The following ADAMTS16 variants were observed in gnomAD, a reference collection of about 807,000 sequenced individuals.
The protein encoded by ADAMTS16 is ADAM metallopeptidase with thrombospondin type 1 motif 16.
A neutral mutation model predicts 145.8 loss-of-function variants in ADAMTS16; 94 were observed. The observed-to-expected ratio is 0.64, with a 90% CI of 0.55 to 0.77. ADAMTS16 has a LOEUF of 0.77. ADAMTS16 is among the 30% of genes least tolerant of loss of function. The pLI is 0.00. For synonymous variants in ADAMTS16, 659 were observed against 604.3 expected (o/e 1.09, Z -1.33); for missense variants, 1,585 against 1,591.5 (o/e 1.00, Z 0.07).
intron 18 of ADAMTS16, among the ~76,000 whole-genome samples, chr5:5,272,657 C>A (rs2126455103): frequency 6.6e-6 from 1 of 152,192 alleles, no homozygotes; most frequent in Admixed American, 6.5e-5. Context: ...GAGCCACTGC[C>A]CCCGGCCCCA....
At chr5:5,155,510 C>G (rs1374424581) in intron 3 of ADAMTS16, among the ~76,000 whole-genome samples, 4 of 152,148 alleles carry the variant, frequency 2.6e-5, no homozygotes, top group Admixed American at 1.3e-4. Context: ...ACAACAACTA[C>G]AAGAATATAC....
intron 20 of ADAMTS16, among the ~76,000 whole-genome samples, chr5:5,304,967 ACACACACACACACATCCTACAC>A (rs1489727739): frequency 3.9e-4 from 52 of 133,644 alleles, no homozygotes; most frequent in Non-Finnish European, 4.6e-4. Context: ...CCCACACCAC[ACACACACACACACATCCTACAC>A]CACACACACA....
intron 21 of ADAMTS16, among the ~76,000 whole-genome samples, chr5:5,311,400 C>T (rs1179391821): frequency 6.6e-6 from 1 of 152,056 alleles, no homozygotes; most frequent in African/African-American, 2.4e-5. Context: ...ATTTAATCCG[C>T]CCTGGAATCT....
In ADAMTS16 at chr5:5,242,158, G is replaced by A. The variant is rs778918550; in HGVS notation, c.2629G>A (p.Val877Met). Residue 877 changes from valine to methionine, a missense_variant, in exon 17 of 23, where the codon GTG (valine) becomes ATG (methionine). Physicochemically the swap from Val to Met is conservative, Grantham distance 21. Around this residue, in one of 3 missense-constraint regions of ADAMTS16, gnomAD observed 834 missense variants for 811.7 expected, o/e 1.03. Transcript: ENST00000274181. The part of the protein sequence containing the change: ...PAQPSYTWAI[V>M]RSECSVSCGG... ...CCAGCCCAGCTACACTTGGGCCATC[G>A]TGCGCTCTGAGTGCTCCGTGTCCTG... is the stretch of plus-strand genomic sequence containing the variant. The A allele has an allele frequency of 1.1e-5, 17 of 1,614,000 alleles. No homozygotes were observed. Among genetic ancestry groups the A allele is most frequent in the East Asian group, 4.5e-5 (2 of 44,880 alleles).
intron 11 of ADAMTS16, among the ~76,000 whole-genome samples, chr5:5,229,799 G>T (rs113413232): frequency 1.0e-3 from 158 of 152,294 alleles, no homozygotes; most frequent in African/African-American, 3.4e-3. Flanking sequence ...TTTCTTAAAA[G>T]AAGTAATCCA....
intron 3 of ADAMTS16, among the ~76,000 whole-genome samples, chr5:5,181,056 T>C (rs376211307): frequency 6.6e-6 from 1 of 152,242 alleles, no homozygotes; most frequent in African/African-American, 2.4e-5. Flanking sequence ...ATTTAAATTG[T>C]TTCTTGTTTT....
At chr5:5,279,060 A>G (rs1327269824) in intron 18 of ADAMTS16, among the ~76,000 whole-genome samples, 1 of 152,064 alleles carries the variant, frequency 6.6e-6, no homozygotes, top group Non-Finnish European at 1.5e-5. Flanking sequence ...TCCACGCTCT[A>G]TTTCCCCCAC....
chr5:5,158,706 T>C (rs141319847), intron 3 of ADAMTS16, among the ~76,000 whole-genome samples: 41 of 152,310 alleles, frequency 2.7e-4, no homozygotes, highest in Middle Eastern at 3.4e-3. Context: ...TTCTAAATAA[T>C]AAATGTTGCA....
chr5:5,199,526 G>C (rs867284329), intron 8 of ADAMTS16, among the ~76,000 whole-genome samples: 13 of 152,154 alleles, frequency 8.5e-5, no homozygotes, highest in African/African-American at 3.1e-4. Flanking sequence ...AGCACAGCCC[G>C]CCCATCACAG....
chr5:5,228,812 A>G (rs1736839328), intron 11 of ADAMTS16, among the ~76,000 whole-genome samples: 1 of 152,318 alleles, frequency 6.6e-6, no homozygotes, highest in East Asian at 1.9e-4. Context: ...GTAATAAAGA[A>G]ATCAATGTAC....
intron 3 of ADAMTS16, among the ~76,000 whole-genome samples, chr5:5,160,773 C>G (rs1281704233): frequency 1.6e-5 from 2 of 123,954 alleles, no homozygotes; most frequent in South Asian, 5.5e-4. Flanking sequence ...AAAAAAAAAA[C>G]CAGCTTTACT....
chr5:5,143,253 A>T (rs1379511771), intron 2 of ADAMTS16, among the ~76,000 whole-genome samples: 1 of 152,234 alleles, frequency 6.6e-6, no homozygotes, highest in Admixed American at 6.5e-5. Context: ...AATATCCAGA[A>T]TCTACAAGAA....
rs1740384549 is a variant in ADAMTS16, at chr5:5,310,607, A to G, written c.3411+3879A>G. 6.6e-6 allele frequency among the ~76,000 whole-genome samples: 1 copy of G among 152,120 alleles called. No homozygotes were observed. Among genetic ancestry groups the G allele is most frequent in the South Asian group, 2.1e-4 (1 of 4,818 alleles). On this transcript the variant is annotated intron_variant, in intron 21 of 22. Transcript: ENST00000274181. The surrounding 1 kb of genome is among the most constrained non-coding windows in gnomAD (Gnocchi z 4.3). ...GGTGGCACTGGCTGTGTGATGGGTGACAGAGGCAGGCATCGGAGTGGTGCC... is the reference window on the plus strand; with the variant it reads ...GGTGGCACTGGCTGTGTGATGGGTGGCAGAGGCAGGCATCGGAGTGGTGCC...
At chr5:5,159,681 A>G (rs1056186079) in intron 3 of ADAMTS16, among the ~76,000 whole-genome samples, 2 of 152,232 alleles carry the variant, frequency 1.3e-5, no homozygotes, top group African/African-American at 4.8e-5. Flanking sequence ...ATTTTATTAC[A>G]TTAGAACCTT....
At chr5:5,164,956 C>G (rs1734831945) in intron 3 of ADAMTS16, among the ~76,000 whole-genome samples, 1 of 152,112 alleles carries the variant, frequency 6.6e-6, no homozygotes, top group Non-Finnish European at 1.5e-5. Flanking sequence ...TTTCTAAATG[C>G]TTTATTGAGG....
chr5:5,320,110 C>T lies in ADAMTS16; in HGVS notation c.*972C>T, dbSNP rs971340049. 66 of 333,176 alleles carry T rather than the reference C, an allele frequency of 2.0e-4. No individual in the cohort carries two copies. The highest frequency in any genetic ancestry group is 1.4e-3 in the African/African-American group (63 of 43,662). 20.6% of individuals were successfully genotyped at this position (333,176 alleles called of 1,614,324 possible). ...TCTTTTTTTTTTCGGTGAGTCTGGC[C>T]ATTTCTATAATGCCAGGTGGGAAGC... On this transcript the variant is annotated 3_prime_UTR_variant, in exon 23 of 23. Transcript: ENST00000274181. The surrounding 1 kb of genome is among the most constrained non-coding windows in gnomAD (Gnocchi z 5.1).
intron 20 of ADAMTS16, among the ~76,000 whole-genome samples, chr5:5,305,025 A>ACG (rs1739996413): frequency 1.6e-5 from 1 of 62,890 alleles, no homozygotes; most frequent in Non-Finnish European, 3.4e-5. Flanking sequence ...ACACACACAC[A>ACG]CACACATCCA....
At chr5:5,313,654 G>A (rs1740546743) in intron 21 of ADAMTS16, among the ~76,000 whole-genome samples, 1 of 152,228 alleles carries the variant, frequency 6.6e-6, no homozygotes, top group Admixed American at 6.5e-5. Flanking sequence ...CACTGATTTG[G>A]AAACTCATGG....
intron 17 of ADAMTS16, among the ~76,000 whole-genome samples, chr5:5,247,720 G>T (rs113068407): frequency 1.3e-5 from 2 of 152,210 alleles, no homozygotes; most frequent in East Asian, 1.9e-4. Flanking sequence ...AAAAATGGGC[G>T]ATTACTGCCT....
Sources: gnomAD v4.1 joint callset for allele counts (sites outside exome capture counted in the v4.1 genomes callset) on GRCh38, gnomAD v4.1.1 for gene constraint, gnomAD v4.1.1 regional missense constraint, Gnocchi (gnomAD v3.1) non-coding constraint, MANE v1.5 for transcripts, NCBI Gene and HGNC (gene_info 2026-07-23, HGNC 2026-07-21) for gene names.